Variants in RNGTT observed in about 807,000 individuals in gnomAD.
RNGTT encodes the protein RNA guanylyltransferase and 5'-phosphatase, also known as mRNA-capping enzyme.
A neutral mutation model predicts 79.3 loss-of-function variants in RNGTT; 33 were observed. That is an observed-to-expected ratio of 0.42 (90% confidence interval 0.32 to 0.56). RNGTT has a LOEUF of 0.56. RNGTT is among the 20% of genes least tolerant of loss of function. RNGTT has a pLI of 0.17. For missense variants in RNGTT, 497 were observed against 739.1 expected (o/e 0.67, Z 3.80); for synonymous variants, 222 against 235.9 (o/e 0.94, Z 0.54).
intron 5 of RNGTT, among the ~76,000 whole-genome samples, chr6:88,905,560 A>G (rs968985706): frequency 8.5e-5 from 13 of 152,232 alleles, no homozygotes; most frequent in African/African-American, 3.1e-4. Context: ...AAACATAAAT[A>G]ATGATGCTCC....
intron 1 of RNGTT, among the ~76,000 whole-genome samples, chr6:88,951,889 T>A (rs754105312): frequency 6.6e-6 from 1 of 152,018 alleles, no homozygotes; most frequent in Non-Finnish European, 1.5e-5. Context: ...ATGAAACTCA[T>A]AATAATTTTG....
At chr6:88,677,170 G>C (rs1774906118) in intron 14 of RNGTT, among the ~76,000 whole-genome samples, 1 of 151,582 alleles carries the variant, frequency 6.6e-6, no homozygotes. Context: ...AGTGAACGAA[G>C]GCAAAAAACA....
At chr6:88,782,388 T>C (rs1312854142) in intron 12 of RNGTT, among the ~76,000 whole-genome samples, 1 of 151,992 alleles carries the variant, frequency 6.6e-6, no homozygotes, top group East Asian at 1.9e-4. Flanking sequence ...GTGCACACCA[T>C]ACACAAAAAT....
intron 11 of RNGTT, among the ~76,000 whole-genome samples, chr6:88,839,458 T>C (rs891340394): frequency 1.3e-5 from 2 of 152,038 alleles, no homozygotes; most frequent in Admixed American, 6.5e-5. Context: ...TAGTTCCAGC[T>C]ATTCAGGAGG....
At chr6:88,680,081 AAAC>A (rs1267124011) in intron 13 of RNGTT, among the ~76,000 whole-genome samples, 9 of 152,204 alleles carry the variant, frequency 5.9e-5, no homozygotes, top group Non-Finnish European at 1.0e-4. Context: ...ACAAAAAACT[AAAC>A]AACAACTGCA....
chr6:88,729,388 G>GAAAAAAA (rs59571346), intron 13 of RNGTT, among the ~76,000 whole-genome samples: 1 of 79,722 alleles, frequency 1.3e-5, no homozygotes, highest in East Asian at 4.0e-4. Flanking sequence ...ACCAGAAAAA[G>GAAAAAAA]AAAAAAAAAA....
intron 14 of RNGTT, among the ~76,000 whole-genome samples, chr6:88,675,014 C>A (rs1208446628): frequency 6.6e-6 from 1 of 151,624 alleles, no homozygotes; most frequent in Non-Finnish European, 1.5e-5. Flanking sequence ...AGGAGAATCA[C>A]TTGAACTCGG....
chr6:88,952,695 G>A (rs548814524), intron 1 of RNGTT, among the ~76,000 whole-genome samples: 1 of 152,284 alleles, frequency 6.6e-6, no homozygotes, highest in African/African-American at 2.4e-5. Flanking sequence ...TACAACCAAG[G>A]ACTCTCACAG....
At chr6:88,907,427 G>C (rs957206820) in intron 4 of RNGTT, among the ~76,000 whole-genome samples, 2 of 148,738 alleles carry the variant, frequency 1.3e-5, no homozygotes, top group African/African-American at 5.1e-5. Flanking sequence ...GTAAGTGTTT[G>C]ACAGTTCCTC....
chr6:88,886,590 A>AT (rs1421563626), intron 8 of RNGTT, among the ~76,000 whole-genome samples: 1 of 152,168 alleles, frequency 6.6e-6, no homozygotes, highest in Non-Finnish European at 1.5e-5. Context: ...AAATTAGAAG[A>AT]TTTTTTAAAT....
intron 13 of RNGTT, among the ~76,000 whole-genome samples, chr6:88,769,334 T>C (rs533773747): frequency 6.6e-5 from 1 of 15,246 alleles, no homozygotes; most frequent in South Asian, 4.1e-3. Flanking sequence ...CTAATTTTTC[T>C]ATTTTTGGTA....
At chr6:88,616,993 C>A (rs932666260) in intron 14 of RNGTT, among the ~76,000 whole-genome samples, 3 of 152,190 alleles carry the variant, frequency 2.0e-5, no homozygotes, top group Admixed American at 6.5e-5. Context: ...TTTGTCCTGG[C>A]CGGGCACAGT....
chr6:88,672,675 A>T (rs1338867499), intron 14 of RNGTT, among the ~76,000 whole-genome samples: 1 of 152,176 alleles, frequency 6.6e-6, no homozygotes, highest in Non-Finnish European at 1.5e-5. Context: ...TATGTAACTA[A>T]ACACCACCTG....
chr6:88,746,100 G>A (rs1777650267), intron 13 of RNGTT, among the ~76,000 whole-genome samples: 1 of 152,202 alleles, frequency 6.6e-6, no homozygotes, highest in South Asian at 2.1e-4. Context: ...GGGAAGCCTG[G>A]TGGCACTCAC....
chr6:88,760,171 T>G (rs555477000), intron 13 of RNGTT, among the ~76,000 whole-genome samples: 5 of 152,362 alleles, frequency 3.3e-5, no homozygotes, highest in African/African-American at 9.6e-5. Flanking sequence ...AGTAGATGTT[T>G]TAAAGCCACA....
At chr6:88,856,295 A>C (rs960920280) in intron 8 of RNGTT, among the ~76,000 whole-genome samples, 2 of 152,120 alleles carry the variant, frequency 1.3e-5, no homozygotes, top group African/African-American at 4.8e-5. Context: ...TACTCTTATG[A>C]TCATGTAATA....
chr6:88,904,703 T>C lies in RNGTT; in HGVS notation c.684+12A>G. 6.3e-7 allele frequency: 1 copy of C among 1,594,924 alleles called. No homozygotes were observed. Among genetic ancestry groups the C allele is most frequent in the East Asian group, 2.2e-5 (1 of 44,788 alleles). On this transcript the variant is annotated intron_variant, in intron 6 of 15. Coordinates refer to ENST00000369485, the MANE Select transcript of RNGTT (RefSeq NM_003800.5). ...GAAAAAAAAAACCTATTATAATATT[T>C]TTAAACATTACCAGTTTTAACCGTT...
intron 2 of RNGTT, among the ~76,000 whole-genome samples, chr6:88,935,507 A>C (rs372289168): frequency 6.6e-6 from 1 of 152,334 alleles, no homozygotes. Context: ...TGAGCTCAGG[A>C]GTTCAAGACC....
At chr6:88,640,687 G>A (rs1055547047) in intron 14 of RNGTT, among the ~76,000 whole-genome samples, 21 of 152,112 alleles carry the variant, frequency 1.4e-4, no homozygotes, top group African/African-American at 4.8e-4. Flanking sequence ...TGAGGATTGA[G>A]GATTAGAGGT....
Sources: allele counts gnomAD v4.1 joint callset (sites outside exome capture counted in the v4.1 genomes callset), GRCh38; gene constraint gnomAD v4.1.1; transcripts MANE v1.5; gene names NCBI Gene and HGNC (gene_info 2026-07-23, HGNC 2026-07-21).